Variants in DMBT1 observed in about 807,000 individuals in gnomAD.
DMBT1 encodes scavenger receptor cysteine-rich domain-containing protein DMBT1.
Under a neutral mutation model 252.9 loss-of-function variants are expected in DMBT1, and 198 were observed. The ratio of observed to expected loss-of-function variants is 0.78; its 90% CI spans 0.70 to 0.88. The LOEUF (loss-of-function observed/expected upper bound fraction) is 0.88, where lower values mean the gene tolerates loss of function less well. Ranked by LOEUF, DMBT1 falls within the 40% of genes least tolerant of loss-of-function variation. The pLI is 0.00. For missense variants in DMBT1, 2,432 were observed against 2,404.7 expected (o/e 1.01, Z -0.24); for synonymous variants, 990 against 942.7 (o/e 1.05, Z -0.92).
intron 42 of DMBT1, among the ~76,000 whole-genome samples, chr10:122,619,682 G>A (rs2098042687): frequency 6.6e-6 from 1 of 152,218 alleles, no homozygotes; most frequent in South Asian, 2.1e-4. Context: ...GACTGCCAAA[G>A]TCACCTGGGA....
At position 122,630,488 on chromosome 10, in the gene DMBT1, G is replaced by A. The variant is rs757677103; in HGVS notation, c.6023G>A (p.Ser2008Asn). The A allele has an allele frequency of 5.6e-6, 9 of 1,613,742 alleles. No homozygotes were observed. In the African/African-American group the frequency reaches 1.2e-4, roughly 22 times the overall value. ...TTGGCTTGGTATAACTCCTTCCCAA[G>A]CGGTAAGTGCACACTAGACCATGCC... is the stretch of plus-strand genomic sequence containing the variant. The part of the protein sequence containing the change: ...GFLAWYNSFP[S>N]DATLRLVNLN... The change falls in exon 48 of 56, where the codon AGC (serine) becomes AAC (asparagine). Residue 2008 changes from serine to asparagine, a missense_variant and splice_region_variant. Ser to Asn is a conservative substitution (Grantham distance 46, BLOSUM62 1). Around this residue, in one of 3 missense-constraint regions of DMBT1, gnomAD observed 1,162 missense variants for 1,169.0 expected, o/e 0.99. Coordinates refer to ENST00000338354, the MANE Select transcript of DMBT1 (RefSeq NM_001377530.1).
intron 20 of DMBT1, among the ~76,000 whole-genome samples, chr10:122,592,988 T>C (rs2097862034): frequency 6.7e-6 from 1 of 148,706 alleles, no homozygotes; most frequent in Admixed American, 6.7e-5. Context: ...GAGCTAAAGA[T>C]GCTTGTCTGA....
At chr10:122,585,201 G>T in intron 14 of DMBT1, 70 bp from the exon 15 acceptor site, 1 of 1,548,378 alleles carries the variant, frequency 6.5e-7, no homozygotes, top group Non-Finnish European at 8.8e-7. Flanking sequence ...CGCCTTCTCC[G>T]GAGACTTTTC....
intron 6 of DMBT1, 98 bp downstream of exon 6, chr10:122,573,860 G>A: frequency 6.7e-7 from 1 of 1,483,750 alleles, no homozygotes; most frequent in South Asian, 1.1e-5. Context: ...ATAGAAAGTA[G>A]GGTGCTTAGC....
chr10:122,574,182 A>C (rs554271420), intron 6 of DMBT1, among the ~76,000 whole-genome samples: 7 of 152,148 alleles, frequency 4.6e-5, no homozygotes, highest in Non-Finnish European at 8.8e-5. Context: ...CCCTTTCTTT[A>C]AGCCTATATT....
Position 122,597,007 on chromosome 10 carries a change from A to G in DMBT1, c.2888-18A>G. On this transcript the variant is annotated intron_variant, in intron 23 of 55. Transcript: ENST00000338354. ...GCTTCTGTATAGTGCATCTGATCTG[A>G]CCTCCTCTTTCTCACAGCTGCCCAC... The G allele has an allele frequency of 1.9e-6, 1 of 540,398 alleles. No individual in the cohort carries two copies. Among genetic ancestry groups the G allele is most frequent in the Non-Finnish European group, 3.0e-6 (1 of 328,454 alleles). The allele number at this position is 540,398 out of a possible 1,614,324, so 33.5% of individuals were successfully genotyped here. A position where few individuals can be genotyped will look rare whatever the true frequency, so the allele number is the denominator to read the frequency against.
At chr10:122,586,021 T>C in intron 15 of DMBT1, 39 bp from the exon 16 acceptor site, 1 of 1,587,154 alleles carries the variant, frequency 6.3e-7, no homozygotes, top group Non-Finnish European at 8.6e-7. Context: ...CTTGACCTCA[T>C]GATAGGGATG....
intron 6 of DMBT1, 126 bp downstream of exon 6, chr10:122,573,888 C>T: frequency 8.7e-7 from 1 of 1,151,628 alleles, no homozygotes; most frequent in Admixed American, 1.8e-5. Flanking sequence ...AGGGGCCCTT[C>T]CACAAAAGGC....
Position 122,618,210 on chromosome 10 carries a change from G to A in DMBT1, c.5085G>A (p.Gln1695=), listed in dbSNP as rs1167662648. 24 of 1,613,880 alleles carry A rather than the reference G, an allele frequency of 1.5e-5. No homozygotes were observed. The highest frequency in any genetic ancestry group is 1.9e-5 in the Non-Finnish European group (23 of 1,179,806). ...CCCCAGGAAATGCCCAGTTTGGCCA[G>A]GGCTCAGGACCCATTGTCCTGGATG... ...MSAPGNAQFG[Q]GSGPIVLDDV... is the part of the protein sequence containing the mutation. Residue 1695 remains glutamine, a synonymous_variant, in exon 41 of 56, where the codon CAG becomes CAA. Coordinates refer to ENST00000338354, the MANE Select transcript of DMBT1 (RefSeq NM_001377530.1).
At chr10:122,635,361 G>T (rs2098218175) in intron 52 of DMBT1, among the ~76,000 whole-genome samples, 1 of 152,058 alleles carries the variant, frequency 6.6e-6, no homozygotes, top group Non-Finnish European at 1.5e-5. Context: ...ACTTTTCGAT[G>T]GAAGAAAAAT....
chr10:122,587,079 C>T (rs1243173569), intron 16 of DMBT1, among the ~76,000 whole-genome samples: 1 of 148,320 alleles, frequency 6.7e-6, no homozygotes, highest in Admixed American at 6.7e-5. Context: ...CAAGCCTCAC[C>T]TCTATACTTG....
rs528420588 is a variant in DMBT1 at position 122,593,599 on chromosome 10, G to A, written c.2530+1G>A. ...CAGTCCCGGCCGACACCCAGTCCAG[G>A]TAGGTCCCCAGTGTCCTTCCTCAAA... On this transcript the variant is annotated splice_donor_variant, in intron 21 of 55. Transcript: ENST00000338354. LOFTEE classifies it high-confidence loss of function. 5 of 1,587,118 alleles carry A rather than the reference G, an allele frequency of 3.2e-6. No homozygotes were observed. Among genetic ancestry groups the A allele is most frequent in the Non-Finnish European group, 4.3e-6 (5 of 1,164,766 alleles).
chr10:122,600,113 C>G lies in DMBT1; in HGVS notation c.3310+20C>G. The G allele has an allele frequency of 6.2e-7, 1 of 1,604,548 alleles. No individual in the cohort carries two copies. Among genetic ancestry groups the G allele is most frequent in the Non-Finnish European group, 8.5e-7 (1 of 1,177,084 alleles). On this transcript the variant is annotated intron_variant, in intron 27 of 55. Coordinates refer to ENST00000338354, the MANE Select transcript of DMBT1 (RefSeq NM_001377530.1). Reference sequence around the variant, plus strand: ...GTCCAGGTGGGTCCCCAGTGTCCTTCCTCAAAATGTCCCTTCTCTTTCTGC... The same window carrying G: ...GTCCAGGTGGGTCCCCAGTGTCCTTGCTCAAAATGTCCCTTCTCTTTCTGC...
intron 5 of DMBT1, 45 bp from the exon 6 acceptor site, chr10:122,573,670 A>G (rs374018592): frequency 5.3e-5 from 86 of 1,608,850 alleles, no homozygotes; most frequent in Non-Finnish European, 6.7e-5. Context: ...ACCCTCCCCA[A>G]GCGAGGGCTA....
intron 44 of DMBT1, among the ~76,000 whole-genome samples, chr10:122,624,640 C>G (rs2098101924): frequency 6.6e-6 from 1 of 152,158 alleles, no homozygotes. Flanking sequence ...ATGATGACAC[C>G]AATGACGCCA....
intron 24 of DMBT1, 128 bp from the exon 25 acceptor site, chr10:122,597,846 T>TG: frequency 7.1e-7 from 1 of 1,401,044 alleles, no homozygotes; most frequent in Non-Finnish European, 1.0e-6. Flanking sequence ...GGCAGACACA[T>TG]GGGGAGCAAG....
chr10:122,622,479 T>C (rs903422056), intron 44 of DMBT1, among the ~76,000 whole-genome samples: 3 of 152,206 alleles, frequency 2.0e-5, no homozygotes, highest in African/African-American at 4.8e-5. Context: ...AAGTCTTTTT[T>C]CCCCATGCTT....
intron 1 of DMBT1, among the ~76,000 whole-genome samples, chr10:122,562,134 C>G (rs772380227): frequency 1.8e-4 from 28 of 151,708 alleles, no homozygotes; most frequent in African/African-American, 6.3e-4. Flanking sequence ...TCCTTCCATC[C>G]CTTTTTCTTT....
intron 2 of DMBT1, 150 bp downstream of exon 2, chr10:122,566,146 G>C (rs1247129804): frequency 2.2e-5 from 17 of 771,070 alleles, no homozygotes; most frequent in Non-Finnish European, 2.9e-5. Flanking sequence ...GGAGACGTGC[G>C]TGCCAAGACC....
Sources: allele counts gnomAD v4.1 joint callset (sites outside exome capture counted in the v4.1 genomes callset), GRCh38; gene constraint gnomAD v4.1.1; regional missense constraint gnomAD v4.1.1; transcripts MANE v1.5; gene names NCBI Gene and HGNC (gene_info 2026-07-23, HGNC 2026-07-21).